TPCN2: variants seen among roughly 807,000 people sequenced by gnomAD.
TPCN2 encodes the protein two pore segment channel 2, also known as two pore channel protein 2.
Under a neutral mutation model 111.4 loss-of-function variants are expected in TPCN2, and 92 were observed. That is an observed-to-expected ratio of 0.83 (90% CI 0.70 to 0.98). The LOEUF (loss-of-function observed/expected upper bound fraction) is 0.98. TPCN2 is among the 50% of genes least tolerant of loss of function. TPCN2 has a pLI of 0.00. For synonymous variants in TPCN2, 405 were observed against 414.5 expected, an observed-to-expected ratio of 0.98 and a Z score of 0.28; for missense variants, 995 against 980.1, an observed-to-expected ratio of 1.02 and a Z score of -0.20.
chr11:69,056,499 G>A (rs1398599084), intron 4 of TPCN2, among the ~76,000 whole-genome samples: 1 of 152,198 alleles, frequency 6.6e-6, no homozygotes, highest in Non-Finnish European at 1.5e-5. Context: ...GGGTACATCA[G>A]CAAGCTGTGA....
At chr11:69,056,441 C>A (rs1213115247) in intron 4 of TPCN2, among the ~76,000 whole-genome samples, 1 of 152,182 alleles carries the variant, frequency 6.6e-6, no homozygotes, top group Non-Finnish European at 1.5e-5. Flanking sequence ...TTGTCATTAG[C>A]GTTTTTTGAA....
chr11:69,049,434 C>T (rs1213094996), intron 1 of TPCN2, among the ~76,000 whole-genome samples: 4 of 152,216 alleles, frequency 2.6e-5, no homozygotes, highest in South Asian at 2.1e-4. Flanking sequence ...TCCGTGTGCC[C>T]GGGCGGGCCC....
intron 17 of TPCN2, among the ~76,000 whole-genome samples, 174 bp from the exon 18 acceptor site, chr11:69,081,226 C>T (rs1007427107): frequency 6.6e-6 from 1 of 152,086 alleles, no homozygotes. Flanking sequence ...AGCCCAGGCC[C>T]CGCCCTCTCG....
Position 69,087,546 on chromosome 11 carries a change from T to A in TPCN2, c.2181-329T>A, listed in dbSNP as rs1856335023. ...TCTTCTCCTGGCAGCTTTGAGATGG[T>A]TCCTCTGCTAGTCCAGAAAAGTGAC... On this transcript the variant is annotated intron_variant, in intron 24 of 24. Coordinates refer to ENST00000294309, the MANE Select transcript of TPCN2 (RefSeq NM_139075.4). 2.0e-5 allele frequency among the ~76,000 whole-genome samples: 3 copies of A among 152,282 alleles called. No individual in the cohort carries two copies. The South Asian group carries it at 6.2e-4, about 32-fold the overall frequency.
intron 18 of TPCN2, among the ~76,000 whole-genome samples, chr11:69,082,955 C>T (rs1023261178): frequency 6.6e-6 from 1 of 151,410 alleles, no homozygotes; most frequent in African/African-American, 2.4e-5. Flanking sequence ...TGTGTGCACA[C>T]ATCGCATGCA....
chr11:69,072,791 T>C, intron 12 of TPCN2, 83 bp downstream of exon 12: 1 of 1,568,888 alleles, frequency 6.4e-7, no homozygotes, highest in East Asian at 2.2e-5. Context: ...GGACTAGGGG[T>C]GTGGCTTCAG....
chr11:69,060,494 C>G (rs1034520363), intron 5 of TPCN2, among the ~76,000 whole-genome samples: 1 of 152,176 alleles, frequency 6.6e-6, no homozygotes, highest in Non-Finnish European at 1.5e-5. Context: ...GGGTTTTGCT[C>G]GTTCACTCTT....
intron 23 of TPCN2, 96 bp from the exon 24 acceptor site, chr11:69,087,016 C>T (rs189647800): frequency 3.5e-5 from 36 of 1,021,892 alleles, no homozygotes; most frequent in East Asian, 1.8e-4. Context: ...GCCCCCTCAG[C>T]GGGTGCCCTG....
In TPCN2 at chr11:69,063,001, G is replaced by A. The variant is rs1442767758; in HGVS notation, c.653+11G>A. On this transcript the variant is annotated intron_variant, in intron 6 of 24. Coordinates refer to ENST00000294309, the MANE Select transcript of TPCN2 (RefSeq NM_139075.4). The stretch of plus-strand genomic sequence containing the variant: ...GCCGGAAATGGCCAGGTGGGCTCTT[G>A]GTGCTCTGGGCTCGCAGGGTTGGGA... 2 of 1,612,516 alleles carry A rather than the reference G, an allele frequency of 1.2e-6. No individual in the cohort carries two copies. The highest frequency in any genetic ancestry group is 1.7e-6 in the Non-Finnish European group (2 of 1,178,756).
At chr11:69,052,701 C>T (rs1320977891) in intron 1 of TPCN2, among the ~76,000 whole-genome samples, 7 of 152,290 alleles carry the variant, frequency 4.6e-5, no homozygotes, top group South Asian at 2.1e-4. Flanking sequence ...GCAGGAGCCC[C>T]GAGGACAGGG....
chr11:69,071,349 C>T lies in TPCN2; in HGVS notation c.896-7C>T, dbSNP rs1299488373. The T allele has an allele frequency of 1.2e-6, 2 of 1,613,418 alleles. No homozygotes were observed. The highest frequency in any genetic ancestry group is 2.2e-5 in the South Asian group (2 of 90,818). ...GCGCCCCTGACCGTGGCTGTCTCCT[C>T]TTGAAGGAAGCCTGTTTCTGATGAA... On this transcript the variant is annotated splice_region_variant and splice_polypyrimidine_tract_variant and intron_variant, in intron 9 of 24. Coordinates refer to ENST00000294309, the MANE Select transcript of TPCN2 (RefSeq NM_139075.4).
In TPCN2 at chr11:69,085,662, G is replaced by A. The variant is rs1403334118; in HGVS notation, c.1839-9G>A. The stretch of plus-strand genomic sequence containing the variant: ...CCCGCCCCTGACCCAGGTGTGTTGT[G>A]TTCCCCAGCCTGGCCCCTGCCAATG... On this transcript the variant is annotated splice_polypyrimidine_tract_variant and intron_variant, in intron 20 of 24. Coordinates refer to ENST00000294309, the MANE Select transcript of TPCN2 (RefSeq NM_139075.4). 1.9e-6 allele frequency: 3 copies of A among 1,593,722 alleles called. No individual in the cohort carries two copies. Among genetic ancestry groups the A allele is most frequent in the Non-Finnish European group, 2.6e-6 (3 of 1,162,204 alleles).
At chr11:69,074,058 G>A (rs1231054181) in intron 13 of TPCN2, among the ~76,000 whole-genome samples, 1 of 152,212 alleles carries the variant, frequency 6.6e-6, no homozygotes, top group Non-Finnish European at 1.5e-5. Context: ...TGAGCTACTG[G>A]GGGTTAGAGG....
chr11:69,059,167 C>T (rs1235152106), intron 5 of TPCN2, among the ~76,000 whole-genome samples: 1 of 152,152 alleles, frequency 6.6e-6, no homozygotes, highest in Non-Finnish European at 1.5e-5. Context: ...GGTGGTCCTG[C>T]CTTTGGAAGG....
At chr11:69,078,453 G>A in intron 13 of TPCN2, 29 bp from the exon 14 acceptor site, 1 of 1,613,214 alleles carries the variant, frequency 6.2e-7, no homozygotes, top group Non-Finnish European at 8.5e-7. Context: ...GCTGGCCTGT[G>A]CTTCTGAGCA....
At position 69,078,560 on chromosome 11, in the gene TPCN2, C is replaced by T. The variant is rs1417917092; in HGVS notation, c.1309C>T (p.Leu437=). Residue 437 remains leucine (L), a synonymous_variant, in exon 14 of 25, where the codon CTG becomes TTG. Transcript: ENST00000294309. ...CTTCGGCCACTACTACTTTGACTAC[C>T]TGGGGAACCTCATCGCCCTGGCAAA... ...FLFGHYYFDY[L]GNLIALANLV... 2.5e-6 allele frequency: 4 copies of T among 1,614,118 alleles called. No individual in the cohort carries two copies. In the Admixed American group the frequency reaches 6.7e-5, roughly 27 times the overall value.
At chr11:69,059,729 G>T (rs191179037) in intron 5 of TPCN2, among the ~76,000 whole-genome samples, 12 of 152,386 alleles carry the variant, frequency 7.9e-5, no homozygotes, top group Admixed American at 2.0e-4. Context: ...GGATGGTGCT[G>T]GGAGAGGCGT....
At position 69,088,109 on chromosome 11, in the gene TPCN2, G is replaced by A. The variant is rs1051495156; in HGVS notation, c.*156G>A. ...GCTGGGGACAGGAACCAAGTCCTTT[G>A]CGTGTGGCCCAACAACCATCTACAG... On this transcript the variant is annotated 3_prime_UTR_variant, in exon 25 of 25. Transcript: ENST00000294309. 1.3e-5 allele frequency: 8 copies of A among 634,016 alleles called. No homozygotes were observed. The highest frequency in any genetic ancestry group is 2.2e-5 in the Non-Finnish European group (8 of 370,662). The allele number at this position is 634,016 out of a possible 1,614,324, so 39.3% of individuals were successfully genotyped here.
At chr11:69,065,208 A>G (rs138516171) in intron 7 of TPCN2, among the ~76,000 whole-genome samples, 1 of 152,036 alleles carries the variant, frequency 6.6e-6, no homozygotes, top group East Asian at 1.9e-4. Flanking sequence ...GGTTGTGGAG[A>G]TGGAACCGGC....
Sources: allele counts gnomAD v4.1 joint callset (sites outside exome capture counted in the v4.1 genomes callset), GRCh38; gene constraint gnomAD v4.1.1; transcripts MANE v1.5; gene names NCBI Gene and HGNC (gene_info 2026-07-23, HGNC 2026-07-21).